ERCC6: variants seen among roughly 807,000 people sequenced by gnomAD.
ERCC6 encodes the protein ERCC excision repair 6, chromatin remodeling factor.
In ERCC6, 116 loss-of-function variants were observed where a neutral mutation model predicts 158.7. The ratio of observed to expected loss-of-function variants is 0.73; its 90% confidence interval spans 0.63 to 0.85. The LOEUF is 0.85. Among genes scored for constraint, ERCC6 ranks in the 40% least tolerant of loss-of-function variants. The probability of loss-of-function intolerance (pLI) is 0.00; values close to 1 mark genes in which losing one functional copy is unlikely to be tolerated. For missense variants in ERCC6, 1,698 were observed against 1,799.4 expected (o/e 0.94, Z 1.02); for synonymous variants, 678 against 659.3 (o/e 1.03, Z -0.43).
In ERCC6 at chr10:49,476,797, C is replaced by A. The variant is rs4253186; in HGVS notation, c.2287-487G>T. On this transcript the variant is annotated intron_variant, in intron 11 of 20. Transcript: ENST00000355832. ...AGCCCACTGCACCAACCACTCCATG[C>A]GATCGTGCTCTGTGACCCTTCACCT... is the stretch of plus-strand genomic sequence containing the variant. Among the ~76,000 whole-genome samples, 969 of 152,242 alleles carry A rather than the reference C, an allele frequency of 6.4e-3. 12 individuals carry two copies. The highest frequency in any genetic ancestry group is 0.021 in the African/African-American group (881 of 41,536).
At chr10:49,435,397 C>A in the ERCC6 span, among the ~76,000 whole-genome samples, 1 of 152,146 alleles carries the variant, frequency 6.6e-6, no homozygotes, top group Non-Finnish European at 1.5e-5. Flanking sequence ...ACCCAACAAT[C>A]AGCACATTCT....
intron 4 of ERCC6, among the ~76,000 whole-genome samples, chr10:49,525,779 T>C (rs1292625586): frequency 6.6e-6 from 1 of 152,026 alleles, no homozygotes; most frequent in Non-Finnish European, 1.5e-5. Flanking sequence ...ACAGAATTAC[T>C]AGCACCACCA....
In ERCC6 at chr10:49,474,090, C is replaced by T. The variant is rs2132541794; in HGVS notation, c.2535G>A (p.Glu845=). The change falls in exon 13 of 21, where the codon GAG becomes GAA. Residue 845 remains glutamate (E), a synonymous_variant. Coordinates refer to ENST00000355832, the MANE Select transcript of ERCC6 (RefSeq NM_000124.4). ...WKRSGKMIVV[E]SLLKIWHKQG... ...GCTTGTGCCATATTTTCAACAAAGA[C>T]TCAACAACAATCATTTTCCCAGAAC... The T allele has an allele frequency of 1.9e-6, 3 of 1,614,164 alleles. No individual in the cohort carries two copies. Among genetic ancestry groups the T allele is most frequent in the Non-Finnish European group, 2.5e-6 (3 of 1,180,032 alleles).
At chr10:49,519,972 A>G (rs1231779074) in intron 5 of ERCC6, among the ~76,000 whole-genome samples, 1 of 152,180 alleles carries the variant, frequency 6.6e-6, no homozygotes, top group Non-Finnish European at 1.5e-5. Flanking sequence ...ATTCTGACAC[A>G]CACACCCCAC....
chr10:49,504,417 A>G (rs1427014811), intron 6 of ERCC6: 1 of 152,196 alleles, frequency 6.6e-6, no homozygotes, highest in African/African-American at 2.4e-5. Context: ...AAATACTTTT[A>G]GTAAGCAAAG....
intron 8 of ERCC6, among the ~76,000 whole-genome samples, chr10:49,486,966 A>G (rs1851088780): frequency 6.6e-6 from 1 of 152,248 alleles, no homozygotes; most frequent in Non-Finnish European, 1.5e-5. Flanking sequence ...ACCTAGTAAT[A>G]TATTAACCTA....
intron 8 of ERCC6, among the ~76,000 whole-genome samples, chr10:49,486,231 G>A (rs1284812258): frequency 2.6e-5 from 4 of 152,056 alleles, no homozygotes; most frequent in African/African-American, 9.7e-5. Flanking sequence ...GAGAAAGTCA[G>A]ATCAAAGAAA....
In ERCC6 at chr10:49,472,897, AT is replaced by A. The variant is rs764038080; in HGVS notation, c.2829+11del. On this transcript the variant is annotated intron_variant, in intron 15 of 20. Transcript: ENST00000355832. ...ACTAATACATTCTTTTAAAAAAAAAATAAAAACAAACCTGCGTGTCCGTGCT... is the reference window on the plus strand; with the variant it reads ...ACTAATACATTCTTTTAAAAAAAAAAAAAAACAAACCTGCGTGTCCGTGCT... 1 of 1,611,464 alleles carries A rather than the reference AT, an allele frequency of 6.2e-7. No individual in the cohort carries two copies. Among genetic ancestry groups the A allele is most frequent in the East Asian group, 2.2e-5 (1 of 44,616 alleles).
At position 49,458,847 on chromosome 10, in the gene ERCC6, C is replaced by T; in HGVS notation, c.4450G>A (p.Gly1484Arg). The T allele has an allele frequency of 6.2e-7, 1 of 1,614,150 alleles. No homozygotes were observed. Among genetic ancestry groups the T allele is most frequent in the South Asian group, 1.1e-5 (1 of 91,080 alleles). The stretch of plus-strand genomic sequence containing the variant: ...TATTCTGGCTTGAGTTTCCAAATTC[C>T]TTCACCACCAGAAGTTCTATGGAAA... ...CTFHRTSGGE[G>R]IWKLKPEYC Residue 1484 changes from glycine (G) to arginine (R), a missense_variant, in exon 21 of 21, where the codon GGA becomes AGA. Physicochemically the swap from Gly to Arg is moderately radical, Grantham distance 125 (BLOSUM62 -2). Coordinates refer to ENST00000355832, the MANE Select transcript of ERCC6 (RefSeq NM_000124.4).
rs116698997 is a variant in ERCC6 at position 49,532,556 on chromosome 10, G to A, written c.409C>T (p.Leu137=). 6.2e-7 allele frequency: 1 copy of A among 1,613,956 alleles called. No individual in the cohort carries two copies. The highest frequency in any genetic ancestry group is 1.7e-5 in the Admixed American group (1 of 60,008). ...GGCTGCACTCACGTGAGGTCATCCAGGACCGACCGATACTCCTTCTCCACG... is the reference window on the plus strand; with the variant it reads ...GGCTGCACTCACGTGAGGTCATCCAAGACCGACCGATACTCCTTCTCCACG... ...VDVEKEYRSV[L]DDLTSCTTSL... The change falls in exon 2 of 21, where the codon CTG becomes TTG. Residue 137 remains leucine, a synonymous_variant. Coordinates refer to ENST00000355832, the MANE Select transcript of ERCC6 (RefSeq NM_000124.4).
In ERCC6 at chr10:49,455,141, T is replaced by TA. The variant is rs1305641821; in HGVS notation, c.*3673dup. 6.6e-6 allele frequency among the ~76,000 whole-genome samples: 1 copy of TA among 152,140 alleles called. No individual in the cohort carries two copies. Among genetic ancestry groups the TA allele is most frequent in the Non-Finnish European group, 1.5e-5 (1 of 68,026 alleles). ...TATGCTAATTCTCCATATTTTTATG[T>TA]AAGTTAAAAGACTCACAACCAAAAC... is the stretch of plus-strand genomic sequence containing the variant. On this transcript the variant is annotated 3_prime_UTR_variant, in exon 21 of 21. Coordinates refer to ENST00000355832, the MANE Select transcript of ERCC6 (RefSeq NM_000124.4).
rs35756610 is a variant in ERCC6, at chr10:49,470,186, T to A, written c.3774A>T (p.Lys1258Asn). 4.8e-5 allele frequency: 78 copies of A among 1,613,958 alleles called. No individual in the cohort carries two copies. The highest frequency in any genetic ancestry group is 6.5e-5 in the Non-Finnish European group (77 of 1,179,926). Residue 1258 changes from lysine (K) to asparagine (N), a missense_variant, in exon 18 of 21, where the codon AAA becomes AAT. Transcript: ENST00000355832. ...DDYVLEKLFK[K>N]SVGVHSVMKH... ...CAAACGTATCAAATGGATTACCTGA[T>A]TTTTTGAAAAGCTTTTCCAAAACAT...
chr10:49,490,627 A>G (rs1241474442), intron 8 of ERCC6, among the ~76,000 whole-genome samples: 3 of 152,338 alleles, frequency 2.0e-5, no homozygotes, highest in African/African-American at 7.2e-5. Context: ...TGCTGGGATT[A>G]CAGGCATGAG....
intron 5 of ERCC6, among the ~76,000 whole-genome samples, chr10:49,512,294 T>C (rs1564434445): frequency 6.6e-6 from 1 of 152,004 alleles, no homozygotes; most frequent in Non-Finnish European, 1.5e-5. Context: ...ACAAAAGAGA[T>C]ACAAGAGAAG....
At position 49,458,688 on chromosome 10, in the gene ERCC6, T is replaced by A; in HGVS notation, c.*127A>T. 3 of 898,198 alleles carry A rather than the reference T, an allele frequency of 3.3e-6. No homozygotes were observed. The Admixed American group carries it at 6.0e-5, about 18-fold the overall frequency. 55.6% of individuals were successfully genotyped at this position (898,198 alleles called of 1,614,324 possible). ...CTTCCTTAAAGTTTTAATTCTGAGG[T>A]AGACATCATGCAAACAAACATCAAG... On this transcript the variant is annotated 3_prime_UTR_variant, in exon 21 of 21. Transcript: ENST00000355832.
At chr10:49,496,649 A>C (rs1294019759) in intron 7 of ERCC6, among the ~76,000 whole-genome samples, 1 of 152,084 alleles carries the variant, frequency 6.6e-6, no homozygotes, top group Non-Finnish European at 1.5e-5. Flanking sequence ...CTCTACCTAA[A>C]CTATAAAAAT....
intron 8 of ERCC6, among the ~76,000 whole-genome samples, chr10:49,484,583 T>A (rs1359102999): frequency 3.3e-5 from 5 of 151,778 alleles, no homozygotes; most frequent in Non-Finnish European, 5.9e-5. Flanking sequence ...CTACAAAAAA[T>A]AAAAAAATTA....
At chr10:49,497,464 G>A (rs1158618487) in intron 7 of ERCC6, among the ~76,000 whole-genome samples, 1 of 152,160 alleles carries the variant, frequency 6.6e-6, no homozygotes, top group African/African-American at 2.4e-5. Flanking sequence ...CTACATTGAT[G>A]ACTCACATTT....
chr10:49,470,803 G>A lies in ERCC6; in HGVS notation c.3157C>T (p.Arg1053Cys), dbSNP rs765012066. The A allele has an allele frequency of 1.9e-5, 30 of 1,613,974 alleles. No individual in the cohort carries two copies. Among genetic ancestry groups the A allele is most frequent in the African/African-American group, 4.0e-5 (3 of 74,898 alleles). Residue 1053 changes from arginine to cysteine, a missense_variant, in exon 18 of 21, where the codon CGC (arginine) becomes TGC (cysteine). Transcript: ENST00000355832. Reference protein sequence around the residue: ...AFGADHDVPKRKKFPASNISV... With the variant: ...AFGADHDVPKCKKFPASNISV... Reference sequence around the variant, plus strand: ...ATGTTAGAAGCAGGGAACTTCTTGCGTTTTGGAACATCATGGTCTGCTCCA... The same window carrying A: ...ATGTTAGAAGCAGGGAACTTCTTGCATTTTGGAACATCATGGTCTGCTCCA...
Sources: allele counts gnomAD v4.1 joint callset (sites outside exome capture counted in the v4.1 genomes callset), GRCh38; gene constraint gnomAD v4.1.1; transcripts MANE v1.5; gene names NCBI Gene and HGNC (gene_info 2026-07-23, HGNC 2026-07-21).